Variants in DSCAM observed in about 807,000 individuals in gnomAD.
DSCAM encodes DS cell adhesion molecule, also known as cell adhesion molecule DSCAM.
DSCAM carries 47 observed loss-of-function variants against 217.7 expected under a neutral mutation model. The ratio of observed to expected loss-of-function variants is 0.22; its 90% CI spans 0.17 to 0.28. DSCAM has a LOEUF of 0.28. Ranked by LOEUF, DSCAM falls within the 10% of genes least tolerant of loss-of-function variation. The pLI, the probability that DSCAM is intolerant of heterozygous loss-of-function variation, is 1.00. For missense variants in DSCAM, 2,080 were observed against 2,618.3 expected (o/e 0.79, Z 4.49); for synonymous variants, 1,056 against 1,015.3 (o/e 1.04, Z -0.76).
Position 40,053,053 on chromosome 21 carries a change from A to G in DSCAM, c.5036-946T>C, listed in dbSNP as rs191753791. On this transcript the variant is annotated intron_variant, in intron 29 of 32. Coordinates refer to ENST00000400454, the MANE Select transcript of DSCAM (RefSeq NM_001389.5). ...GCTAAGAGTTTATCAGTCAGCAGGG[A>G]CCATACTGCAGCCCTGCCCTGACAC... Among the ~76,000 whole-genome samples the G allele has an allele frequency of 3.3e-3, 507 of 152,326 alleles. 5 individuals carry two copies. Among genetic ancestry groups the G allele is most frequent in the African/African-American group, 0.012 (488 of 41,574 alleles).
intron 4 of DSCAM, among the ~76,000 whole-genome samples, chr21:40,365,436 T>C (rs372079037): frequency 2.3e-4 from 35 of 152,314 alleles, no homozygotes; most frequent in Middle Eastern, 3.4e-3. Context: ...TTGGCTTCCC[T>C]ACTTTGAAGG....
chr21:40,294,672 T>C (rs7275297), intron 10 of DSCAM, among the ~76,000 whole-genome samples: 69,446 of 152,084 alleles, frequency 0.46, 17,703 homozygotes, highest in African/African-American at 0.69. Flanking sequence ...AAAATAATGT[T>C]GAAGAAGGCA....
intron 32 of DSCAM, among the ~76,000 whole-genome samples, chr21:40,039,960 G>A (rs909576177): frequency 2.6e-5 from 4 of 152,316 alleles, no homozygotes; most frequent in African/African-American, 9.6e-5. Context: ...GGGCATATAG[G>A]GAAAGAATGT....
intron 20 of DSCAM, among the ~76,000 whole-genome samples, chr21:40,107,428 G>A (rs1236003786): frequency 1.3e-5 from 2 of 152,154 alleles, no homozygotes; most frequent in Non-Finnish European, 2.9e-5. Flanking sequence ...ATGTAGCAAT[G>A]AGAAGAATGT....
rs116488348 is a variant in DSCAM at position 40,462,028 on chromosome 21, T to C, written c.509-92783A>G. ...AGCCACTTAGGTGTGTGCTAATTTG[T>C]TAAAGCAGCAGCAGCAGGAAATGAA... On this transcript the variant is annotated intron_variant, in intron 3 of 32. Transcript: ENST00000400454. Among the ~76,000 whole-genome samples the C allele has an allele frequency of 6.6e-3, 1,004 of 152,306 alleles. 17 individuals are homozygous for C. The highest frequency in any genetic ancestry group is 0.023 in the African/African-American group (961 of 41,568).
rs940065450 is a variant in DSCAM, at chr21:40,012,292, T to C, written c.*742A>G. ...GAGATTCCTGAGGAGTTCAGGGTGT[T>C]AGTATCGACTCTGGTTTATTGAATT... On this transcript the variant is annotated 3_prime_UTR_variant, in exon 33 of 33. Transcript: ENST00000400454. 6.6e-6 allele frequency: 1 copy of C among 152,180 alleles called. No individual in the cohort carries two copies. The highest frequency in any genetic ancestry group is 1.5e-5 in the Non-Finnish European group (1 of 68,048). The allele number at this position is 152,180 out of a possible 1,614,324, so 9.4% of individuals were successfully genotyped here.
At chr21:40,608,545 T>C (rs1468147110) in intron 3 of DSCAM, among the ~76,000 whole-genome samples, 1 of 152,120 alleles carries the variant, frequency 6.6e-6, no homozygotes, top group Non-Finnish European at 1.5e-5. Flanking sequence ...GTGAAACAGG[T>C]GTGTTGACAA....
chr21:40,350,608 G>A (rs1474062418), intron 5 of DSCAM, among the ~76,000 whole-genome samples: 1 of 152,218 alleles, frequency 6.6e-6, no homozygotes, highest in Middle Eastern at 3.4e-3. Context: ...CAGAGTGATG[G>A]AGGGGCCATT....
chr21:40,709,887 T>C (rs895115140), intron 1 of DSCAM, among the ~76,000 whole-genome samples: 5 of 152,258 alleles, frequency 3.3e-5, no homozygotes, highest in African/African-American at 1.2e-4. Context: ...CTGGTATTTC[T>C]GGTTCTAGAT....
chr21:40,176,666 C>G (rs867700030), intron 15 of DSCAM, among the ~76,000 whole-genome samples: 1 of 152,218 alleles, frequency 6.6e-6, no homozygotes, highest in East Asian at 1.9e-4. Flanking sequence ...ATTTCTAGAA[C>G]CTGCTCCTTT....
intron 1 of DSCAM, among the ~76,000 whole-genome samples, chr21:40,753,518 T>C (rs1022295594): frequency 6.6e-6 from 1 of 152,210 alleles, no homozygotes; most frequent in Admixed American, 6.5e-5. Flanking sequence ...CCTTTAGATG[T>C]ATATTATACT....
intron 11 of DSCAM, among the ~76,000 whole-genome samples, chr21:40,197,260 A>C (rs922852246): frequency 6.6e-6 from 1 of 152,014 alleles, no homozygotes; most frequent in Non-Finnish European, 1.5e-5. Flanking sequence ...CTGGGACTAC[A>C]GGCGCCCACA....
chr21:40,561,208 T>C (rs1223678495), intron 3 of DSCAM, among the ~76,000 whole-genome samples: 1 of 152,168 alleles, frequency 6.6e-6, no homozygotes, highest in Non-Finnish European at 1.5e-5. Flanking sequence ...AAACTACAGG[T>C]GTGGTAACAG....
chr21:40,387,383 C>G (rs1213654806), intron 3 of DSCAM, among the ~76,000 whole-genome samples: 1 of 151,774 alleles, frequency 6.6e-6, no homozygotes, highest in Non-Finnish European at 1.5e-5. Context: ...AAAAAAACAG[C>G]CTTTGCAAAT....
intron 3 of DSCAM, among the ~76,000 whole-genome samples, chr21:40,647,890 T>G (rs2089966106): frequency 6.6e-6 from 1 of 152,180 alleles, no homozygotes; most frequent in African/African-American, 2.4e-5. Context: ...CTGGGAATGA[T>G]TCACCCATGT....
intron 3 of DSCAM, among the ~76,000 whole-genome samples, chr21:40,682,950 G>A (rs1010143721): frequency 4.4e-5 from 2 of 45,056 alleles, no homozygotes; most frequent in African/African-American, 1.1e-4. Context: ...GTTAAATCGG[G>A]TCATAAGGGT....
chr21:40,120,908 T>C (rs1296384579), intron 20 of DSCAM, among the ~76,000 whole-genome samples: 1 of 152,218 alleles, frequency 6.6e-6, no homozygotes, highest in Non-Finnish European at 1.5e-5. Flanking sequence ...TTGTCTATTT[T>C]AACAGGGTTC....
chr21:40,086,514 G>T (rs570789249), intron 22 of DSCAM, among the ~76,000 whole-genome samples: 58 of 152,108 alleles, frequency 3.8e-4, no homozygotes, highest in Non-Finnish European at 8.1e-4. Flanking sequence ...CTTGAAAATA[G>T]GCATTCTTCT....
At chr21:40,615,846 A>G (rs561905573) in intron 3 of DSCAM, among the ~76,000 whole-genome samples, 1 of 152,268 alleles carries the variant, frequency 6.6e-6, no homozygotes, top group East Asian at 1.9e-4. Flanking sequence ...AAAAGAAAAA[A>G]TATTTTAAAT....
Sources: allele counts gnomAD v4.1 joint callset (sites outside exome capture counted in the v4.1 genomes callset), GRCh38; gene constraint gnomAD v4.1.1; transcripts MANE v1.5; gene names NCBI Gene and HGNC (gene_info 2026-07-23, HGNC 2026-07-21).